The following AGMO variants were observed in gnomAD, a reference collection of about 807,000 sequenced individuals.
AGMO encodes alkylglycerol monooxygenase, also known as glyceryl-ether monooxygenase.
Under a neutral mutation model 60.2 loss-of-function variants are expected in AGMO, and 75 were observed. That is an observed-to-expected ratio of 1.25 (90% confidence interval 1.03 to 1.51). The LOEUF is 1.51. Ranked by LOEUF, AGMO falls within the 40% of genes most tolerant of loss-of-function variation. AGMO has a pLI of 0.00. For missense variants in AGMO, 763 were observed against 525.5 expected (o/e 1.45, Z -4.42); for synonymous variants, 261 against 177.1 (o/e 1.47, Z -3.76).
chr7:15,544,551 G>GA (rs1290461691), intron 3 of AGMO, among the ~76,000 whole-genome samples: 1 of 151,786 alleles, frequency 6.6e-6, no homozygotes, highest in South Asian at 2.1e-4. Context: ...AATTAGAAGC[G>GA]AAAAAAATGT....
At chr7:15,558,614 T>C (rs1785217906) in intron 2 of AGMO, among the ~76,000 whole-genome samples, 1 of 152,066 alleles carries the variant, frequency 6.6e-6, no homozygotes, top group South Asian at 2.1e-4. Context: ...TGCAAATTTC[T>C]GGAGACATTA....
chr7:15,136,617 G>T, the AGMO span, among the ~76,000 whole-genome samples: 1 of 152,004 alleles, frequency 6.6e-6, no homozygotes, highest in South Asian at 2.1e-4. Context: ...CTTGAAAATT[G>T]AAGTTTTCTG....
At chr7:15,342,269 T>C (rs1444286792) in intron 12 of AGMO, among the ~76,000 whole-genome samples, 2 of 147,798 alleles carry the variant, frequency 1.4e-5, no homozygotes, top group African/African-American at 5.1e-5. Flanking sequence ...GAGAAAGCCA[T>C]GGTCAGCAAG....
intron 12 of AGMO, among the ~76,000 whole-genome samples, chr7:15,258,176 CAA>C (rs1169229473): frequency 6.6e-6 from 1 of 152,100 alleles, no homozygotes; most frequent in Non-Finnish European, 1.5e-5. Flanking sequence ...AGTTATGAGC[CAA>C]TATCTTAATA....
the AGMO span, among the ~76,000 whole-genome samples, chr7:15,119,206 G>T: frequency 2.8e-4 from 43 of 151,794 alleles, no homozygotes; most frequent in African/African-American, 1.0e-3. Context: ...CTGGTGAGAG[G>T]TGATTAGATC....
intron 12 of AGMO, among the ~76,000 whole-genome samples, chr7:15,281,683 A>G (rs1442736947): frequency 6.6e-6 from 1 of 152,144 alleles, no homozygotes; most frequent in African/African-American, 2.4e-5. Context: ...GGCATTTGCA[A>G]TACCCATTGA....
At chr7:15,185,028 T>C in the AGMO span, among the ~76,000 whole-genome samples, 3 of 152,196 alleles carry the variant, frequency 2.0e-5, no homozygotes, top group East Asian at 1.9e-4. Flanking sequence ...TTCTACTATA[T>C]AATGGTGGCA....
chr7:15,387,716 T>C (rs1299963165), intron 8 of AGMO, among the ~76,000 whole-genome samples, 176 bp from the exon 9 acceptor site: 1 of 152,192 alleles, frequency 6.6e-6, no homozygotes, highest in East Asian at 1.9e-4. Context: ...TTCTATGCAC[T>C]GTATACCATT....
the AGMO span, among the ~76,000 whole-genome samples, chr7:15,135,399 G>A: frequency 1.3e-5 from 2 of 152,108 alleles, no homozygotes; most frequent in Non-Finnish European, 2.9e-5. Flanking sequence ...TTAGCATCCA[G>A]TGACTTCTCT....
rs1234080537 is a variant in AGMO at position 15,561,757 on chromosome 7, A to G, written c.89T>C (p.Phe30Ser). The G allele has an allele frequency of 6.2e-7, 1 of 1,612,136 alleles. No homozygotes were observed. The highest frequency in any genetic ancestry group is 8.5e-7 in the Non-Finnish European group (1 of 1,178,724). Residue 30 changes from phenylalanine (F) to serine (S), a missense_variant, in exon 1 of 13, where the codon TTC becomes TCC. Transcript: ENST00000342526. ...FYTMKPSETS[F>S]QTLEEVPDYV... is the part of the protein sequence containing the mutation. ...ATCAGGCACCTCTTCTAATGTTTGGAATGAAGTTTCACTGGGTTTCATCGT... is the reference window on the plus strand; with the variant it reads ...ATCAGGCACCTCTTCTAATGTTTGGGATGAAGTTTCACTGGGTTTCATCGT...
At chr7:15,306,717 C>A (rs1174708728) in intron 12 of AGMO, among the ~76,000 whole-genome samples, 1 of 151,994 alleles carries the variant, frequency 6.6e-6, no homozygotes, top group Non-Finnish European at 1.5e-5. Context: ...TTTTCACCTA[C>A]TATTTTAGAT....
At chr7:15,381,731 C>A (rs1344057461) in intron 10 of AGMO, among the ~76,000 whole-genome samples, 1 of 152,044 alleles carries the variant, frequency 6.6e-6, no homozygotes, top group African/African-American at 2.4e-5. Context: ...CATATGTTCA[C>A]TGAAACACTA....
chr7:15,487,644 A>T (rs1474398997), intron 3 of AGMO, among the ~76,000 whole-genome samples: 1 of 152,138 alleles, frequency 6.6e-6, no homozygotes, highest in Admixed American at 6.6e-5. Context: ...CATTATGAAA[A>T]CTAACAATAA....
intron 12 of AGMO, among the ~76,000 whole-genome samples, chr7:15,236,929 G>C (rs201553440): frequency 6.6e-6 from 1 of 151,788 alleles, no homozygotes; most frequent in Non-Finnish European, 1.5e-5. Flanking sequence ...AAATAAAAGT[G>C]TTGGTAAAAC....
chr7:15,193,451 G>C, the AGMO span, among the ~76,000 whole-genome samples: 2 of 151,970 alleles, frequency 1.3e-5, no homozygotes. Flanking sequence ...TTCCTTCTTG[G>C]TACATAATAT....
chr7:15,537,187 A>G (rs1027694335), intron 3 of AGMO, among the ~76,000 whole-genome samples: 1 of 152,026 alleles, frequency 6.6e-6, no homozygotes, highest in African/African-American at 2.4e-5. Flanking sequence ...TTATTTATTC[A>G]TTCACTCATC....
chr7:15,136,875 T>G, the AGMO span, among the ~76,000 whole-genome samples: 14 of 151,354 alleles, frequency 9.2e-5, no homozygotes, highest in African/African-American at 3.4e-4. Context: ...CTTCTAGATG[T>G]GCTATACAGG....
At chr7:15,245,986 A>G (rs1208994861) in intron 12 of AGMO, among the ~76,000 whole-genome samples, 3 of 152,210 alleles carry the variant, frequency 2.0e-5, no homozygotes, top group Admixed American at 2.0e-4. Flanking sequence ...ACTGTCCAGT[A>G]CGATTAAGAG....
chr7:15,546,545 C>T (rs1385994717), intron 2 of AGMO, among the ~76,000 whole-genome samples: 1 of 152,200 alleles, frequency 6.6e-6, no homozygotes, highest in East Asian at 1.9e-4. Flanking sequence ...TGCAGGTGTC[C>T]AAACCCCTCA....
Sources: gnomAD v4.1 joint callset for allele counts (sites outside exome capture counted in the v4.1 genomes callset) on GRCh38, gnomAD v4.1.1 for gene constraint, MANE v1.5 for transcripts, NCBI Gene and HGNC (gene_info 2026-07-23, HGNC 2026-07-21) for gene names.